Variants in TNFRSF19 observed in about 807,000 individuals in gnomAD.
The protein encoded by TNFRSF19 is tumor necrosis factor receptor superfamily member 19.
In TNFRSF19, 27 loss-of-function variants were observed where a neutral mutation model predicts 46.4. The observed-to-expected ratio is 0.58, with a 90% CI of 0.43 to 0.80. TNFRSF19 has a LOEUF of 0.80. Among genes scored for constraint, TNFRSF19 ranks in the 30% least tolerant of loss-of-function variants. The pLI is 0.00. For synonymous variants in TNFRSF19, 204 were observed against 205.0 expected (o/e 1.00, Z 0.04); for missense variants, 511 against 530.8 (o/e 0.96, Z 0.37).
intron 1 of TNFRSF19, among the ~76,000 whole-genome samples, chr13:23,581,552 T>C (rs1316924461): frequency 2.6e-5 from 4 of 152,152 alleles, no homozygotes; most frequent in African/African-American, 7.2e-5. Flanking sequence ...TTTTTTAACT[T>C]CAGATGATAA....
chr13:23,655,507 C>T (rs1292170251), intron 5 of TNFRSF19, among the ~76,000 whole-genome samples: 2 of 152,160 alleles, frequency 1.3e-5, no homozygotes, highest in Non-Finnish European at 2.9e-5. Flanking sequence ...TAATAAGATA[C>T]GGGCAGAATT....
intron 9 of TNFRSF19, among the ~76,000 whole-genome samples, chr13:23,670,250 A>G (rs548367187): frequency 6.6e-6 from 1 of 152,342 alleles, no homozygotes; most frequent in South Asian, 2.1e-4. Flanking sequence ...GCCAGAGCTC[A>G]GTGGAGCAAT....
intron 3 of TNFRSF19, among the ~76,000 whole-genome samples, chr13:23,600,596 A>G (rs554149939): frequency 2.0e-5 from 3 of 152,334 alleles, no homozygotes; most frequent in African/African-American, 7.2e-5. Flanking sequence ...AATATGCTAG[A>G]GTGCTCTTTT....
At chr13:23,575,355 C>A (rs2138131882) in intron 1 of TNFRSF19, among the ~76,000 whole-genome samples, 1 of 152,302 alleles carries the variant, frequency 6.6e-6, no homozygotes, top group Admixed American at 6.5e-5. Context: ...TTGGGTTTTT[C>A]ATATATATTG....
chr13:23,666,971 A>C (rs1335538705), intron 7 of TNFRSF19, among the ~76,000 whole-genome samples: 1 of 152,202 alleles, frequency 6.6e-6, no homozygotes, highest in Admixed American at 6.5e-5. Context: ...GGATACACAC[A>C]AACATATAGC....
intron 1 of TNFRSF19, among the ~76,000 whole-genome samples, chr13:23,576,430 G>T (rs560711266): frequency 3.3e-5 from 5 of 152,242 alleles, no homozygotes. Flanking sequence ...ACTGCACCCG[G>T]CCCACAGAAC....
intron 1 of TNFRSF19, among the ~76,000 whole-genome samples, chr13:23,587,116 T>C (rs1878902582): frequency 6.6e-6 from 1 of 151,982 alleles, no homozygotes; most frequent in East Asian, 1.9e-4. Flanking sequence ...TCCAAGTAAA[T>C]AGAACACTGA....
intron 5 of TNFRSF19, among the ~76,000 whole-genome samples, chr13:23,644,928 C>T (rs1016766956): frequency 1.3e-5 from 2 of 152,210 alleles, no homozygotes; most frequent in African/African-American, 2.4e-5. Flanking sequence ...CTGTGATCCT[C>T]TATTTGAAAA....
intron 3 of TNFRSF19, among the ~76,000 whole-genome samples, chr13:23,598,375 A>G (rs1041138929): frequency 1.6e-4 from 25 of 152,116 alleles, no homozygotes; most frequent in African/African-American, 6.0e-4. Context: ...CCCAGAACTT[A>G]CAGTTATATA....
rs1951730260 is a variant in TNFRSF19, at chr13:23,669,943, G to A, written c.1245+846G>A. Among the ~76,000 whole-genome samples the A allele has an allele frequency of 2.6e-5, 4 of 152,132 alleles. 1 individual carries two copies. Among genetic ancestry groups the A allele is most frequent in the Admixed American group, 2.6e-4 (4 of 15,260 alleles). On this transcript the variant is annotated intron_variant, in intron 9 of 9. Coordinates refer to ENST00000248484, the MANE Select transcript of TNFRSF19 (RefSeq NM_148957.4). ...GTCACAGCAACAGTCCAGCTCCCAG[G>A]CCCACAAGACTCTGCCCCACAAAGA...
rs986129339 is a variant in TNFRSF19, at chr13:23,659,991, C to T, written c.611-374C>T. On this transcript the variant is annotated intron_variant, in intron 6 of 9. Transcript: ENST00000248484. The surrounding 1 kb of genome is among the most constrained non-coding windows in gnomAD (Gnocchi z 4.9). The stretch of plus-strand genomic sequence containing the variant: ...TGAGGAGGAGGAGGAGGAGGGTTGG[C>T]CTTGGTGTCTCAGCGTGGCAGAGGC... Among the ~76,000 whole-genome samples the T allele has an allele frequency of 6.6e-6, 1 of 151,996 alleles. No individual in the cohort carries two copies. The highest frequency in any genetic ancestry group is 2.4e-5 in the African/African-American group (1 of 41,370).
At chr13:23,653,062 G>A (rs548977558) in intron 5 of TNFRSF19, among the ~76,000 whole-genome samples, 7 of 152,304 alleles carry the variant, frequency 4.6e-5, no homozygotes, top group Admixed American at 1.3e-4. Context: ...GCAGCTCTGC[G>A]TCAGGATGTC....
intron 5 of TNFRSF19, among the ~76,000 whole-genome samples, chr13:23,627,140 A>G (rs1447560757): frequency 6.6e-6 from 1 of 152,122 alleles, no homozygotes; most frequent in Non-Finnish European, 1.5e-5. Context: ...CCCTGGCCCC[A>G]TGAATTCCTG....
intron 5 of TNFRSF19, among the ~76,000 whole-genome samples, chr13:23,627,834 G>A (rs1882105225): frequency 3.3e-5 from 5 of 152,216 alleles, no homozygotes; most frequent in Admixed American, 3.3e-4. Context: ...TTCCAAGAGT[G>A]TCATGGAATT....
chr13:23,584,446 A>T (rs774726449), intron 1 of TNFRSF19, among the ~76,000 whole-genome samples: 5 of 152,172 alleles, frequency 3.3e-5, no homozygotes, highest in Admixed American at 2.0e-4. Flanking sequence ...TCATATATAT[A>T]TACCACAGTT....
chr13:23,651,317 A>G (rs1883612098), intron 5 of TNFRSF19, among the ~76,000 whole-genome samples: 1 of 152,178 alleles, frequency 6.6e-6, no homozygotes, highest in African/African-American at 2.4e-5. Context: ...TAAATGTCTC[A>G]TTTTTGTGCT....
At chr13:23,610,055 T>C (rs55825542) in intron 3 of TNFRSF19, among the ~76,000 whole-genome samples, 58 of 152,382 alleles carry the variant, frequency 3.8e-4, no homozygotes, top group Middle Eastern at 3.4e-3. Context: ...CATTTGCATT[T>C]GCATGCCCTA....
chr13:23,639,468 T>C (rs1882902205), intron 5 of TNFRSF19, among the ~76,000 whole-genome samples: 1 of 152,202 alleles, frequency 6.6e-6, no homozygotes, highest in Admixed American at 6.5e-5. Context: ...ATTCATGACA[T>C]AGCTCCTTTC....
At chr13:23,649,519 TC>T (rs1200477944) in intron 5 of TNFRSF19, among the ~76,000 whole-genome samples, 6 of 152,106 alleles carry the variant, frequency 3.9e-5, no homozygotes, top group African/African-American at 9.6e-5. Context: ...TTTGTTTTTT[TC>T]TTCCATTATT....
Sources: gnomAD v4.1 joint callset for allele counts (sites outside exome capture counted in the v4.1 genomes callset) on GRCh38, gnomAD v4.1.1 for gene constraint, Gnocchi (gnomAD v3.1) non-coding constraint, MANE v1.5 for transcripts, NCBI Gene and HGNC (gene_info 2026-07-23, HGNC 2026-07-21) for gene names.